The following CRHBP variants were observed in gnomAD, a reference collection of about 807,000 sequenced individuals.
CRHBP encodes corticotropin-releasing hormone-binding protein.
CRHBP carries 19 observed loss-of-function variants against 34.9 expected under a neutral mutation model. That is an observed-to-expected ratio of 0.55 (90% confidence interval 0.38 to 0.80). The LOEUF is 0.80. CRHBP is among the 30% of genes least tolerant of loss of function. CRHBP has a pLI of 0.00. For missense variants in CRHBP, 328 were observed against 409.2 expected (o/e 0.80, Z 1.71); for synonymous variants, 154 against 153.4 (o/e 1.00, Z -0.03).
In CRHBP at chr5:76,955,668, A is replaced by T; in HGVS notation, c.349A>T (p.Ile117Phe). The change falls in exon 4 of 7, where the codon ATT (isoleucine) becomes TTT (phenylalanine). Residue 117 changes from isoleucine to phenylalanine, a missense_variant. Physicochemically the swap from Ile to Phe is conservative, Grantham distance 21. This residue lies in a region of CRHBP where 173 missense variants were observed against 172.2 expected (regional missense o/e 1.00). Transcript: ENST00000274368. ...TTTTTCAAAGGTATTTGATGGTTGG[A>T]TTCTCAAGGGGGAGAAGTTCCCCAG... ...GDFLKVFDGW[I>F]LKGEKFPSSQ... 1 of 1,614,086 alleles carries T rather than the reference A, an allele frequency of 6.2e-7. No individual in the cohort carries two copies. The highest frequency in any genetic ancestry group is 8.5e-7 in the Non-Finnish European group (1 of 1,179,994).
rs903196850 is a variant in CRHBP, at chr5:76,955,961, G to T, written c.544+98G>T. The T allele has an allele frequency of 3.9e-6, 4 of 1,037,230 alleles. No individual in the cohort carries two copies. In the African/African-American group the frequency reaches 6.5e-5, roughly 17 times the overall value. The allele number at this position is 1,037,230 out of a possible 1,614,324, so 64.3% of individuals were successfully genotyped here. On this transcript the variant is annotated intron_variant, in intron 4 of 6. Transcript: ENST00000274368. ...CTTAAAGAAATTTGAACTGAGGAATGATTTGAATGGAAATTTTTTTGTAAT... is the reference window on the plus strand; with the variant it reads ...CTTAAAGAAATTTGAACTGAGGAATTATTTGAATGGAAATTTTTTTGTAAT...
intron 5 of CRHBP, among the ~76,000 whole-genome samples, chr5:76,962,407 A>C (rs1188793021): frequency 6.6e-6 from 1 of 152,084 alleles, no homozygotes; most frequent in East Asian, 1.9e-4. Context: ...GGCTCAGAGT[A>C]CTTTTGGGAC....
downstream of CRHBP, among the ~76,000 whole-genome samples, chr5:76,970,916 G>T (rs1217554057): frequency 6.6e-6 from 1 of 152,174 alleles, no homozygotes; most frequent in Admixed American, 6.5e-5. Flanking sequence ...TTCAAAGCTT[G>T]TTAGTGAACA....
exon 3 of CRHBP, chr5:76,976,406 G>T (rs1180643851): frequency 6.6e-6 from 1 of 152,182 alleles, no homozygotes; most frequent in African/African-American, 2.4e-5. Flanking sequence ...ATCCTGTGTG[G>T]AATGGATGGG....
chr5:76,968,211 T>G (rs920962197), intron 6 of CRHBP, among the ~76,000 whole-genome samples: 3 of 151,652 alleles, frequency 2.0e-5, no homozygotes, highest in South Asian at 4.2e-4. Flanking sequence ...TTTGTTTTTT[T>G]TTTTTTTGGT....
intron 5 of CRHBP, 161 bp downstream of exon 5, chr5:76,959,050 A>C: frequency 1.6e-6 from 1 of 633,256 alleles, no homozygotes; most frequent in Non-Finnish European, 2.5e-6. Context: ...GCTTTGACTA[A>C]CCCCCTCTTC....
chr5:76,953,069 A>G lies in CRHBP; in HGVS notation c.-66A>G. 6.6e-7 allele frequency: 1 copy of G among 1,516,750 alleles called. No homozygotes were observed. The highest frequency in any genetic ancestry group is 9.2e-7 in the Non-Finnish European group (1 of 1,091,944). The allele number at this position is 1,516,750 out of a possible 1,614,324, so 94.0% of individuals were successfully genotyped here. ...CAGCTTCTAGCTCTCAGTCTGCGCG[A>G]GGGTGTAGGAAGGAAAGCCCAGGAC... On this transcript the variant is annotated 5_prime_UTR_variant, in exon 1 of 7. Coordinates refer to ENST00000274368, the MANE Select transcript of CRHBP (RefSeq NM_001882.4).
intron 6 of CRHBP, among the ~76,000 whole-genome samples, chr5:76,966,811 C>T (rs1402111648): frequency 6.6e-6 from 1 of 152,120 alleles, no homozygotes; most frequent in Non-Finnish European, 1.5e-5. Flanking sequence ...CTATTAAGGA[C>T]CCTGCCCTTT....
intron 5 of CRHBP, chr5:76,959,155 G>T (rs1251587892): frequency 1.5e-5 from 5 of 334,908 alleles, no homozygotes; most frequent in African/African-American, 8.5e-5. Context: ...AATTGGTAAA[G>T]TTGTGGTATA....
At chr5:76,953,883 G>C in intron 2 of CRHBP, 146 bp from the exon 3 acceptor site, 2 of 1,198,216 alleles carry the variant, frequency 1.7e-6, no homozygotes, top group Non-Finnish European at 2.3e-6. Flanking sequence ...CGCCCGGGGC[G>C]CAGGAACCCA....
At chr5:76,962,446 A>G (rs1745792974) in intron 5 of CRHBP, among the ~76,000 whole-genome samples, 1 of 152,020 alleles carries the variant, frequency 6.6e-6, no homozygotes, top group African/African-American at 2.4e-5. Context: ...TTGTGTTGGA[A>G]AGTGAGGCAC....
chr5:76,975,834 A>T (rs140287946), intron 2 of CRHBP, among the ~76,000 whole-genome samples: 3 of 101,328 alleles, frequency 3.0e-5, no homozygotes, highest in African/African-American at 1.6e-4. Flanking sequence ...AAATATATAT[A>T]TATATATATA....
intron 6 of CRHBP, among the ~76,000 whole-genome samples, chr5:76,965,022 AAAC>A (rs1260652719): frequency 2.6e-5 from 4 of 151,838 alleles, no homozygotes; most frequent in African/African-American, 9.7e-5. Flanking sequence ...GGTAAAAAAA[AAAC>A]ACACAAAAAA....
At chr5:76,954,235 G>A (rs369510749) in intron 3 of CRHBP, 49 bp downstream of exon 3, 3 of 1,592,060 alleles carry the variant, frequency 1.9e-6, no homozygotes, top group Non-Finnish European at 2.6e-6. Flanking sequence ...GCACGGGAGG[G>A]TTGGAAAGGG....
At chr5:76,954,216 C>G (rs1244404651) in intron 3 of CRHBP, 30 bp downstream of exon 3, 1 of 1,604,928 alleles carries the variant, frequency 6.2e-7, no homozygotes, top group Non-Finnish European at 8.5e-7. Context: ...CCAACCTAGC[C>G]GGAGGGCGGC....
At chr5:76,963,565 C>T (rs979923938) in intron 6 of CRHBP, 105 bp downstream of exon 6, 8 of 986,610 alleles carry the variant, frequency 8.1e-6, no homozygotes, top group African/African-American at 1.6e-5. Context: ...GCCAAAAAAG[C>T]CTTCAATTTT....
chr5:76,968,952 T>G lies in CRHBP; in HGVS notation c.*67T>G. On this transcript the variant is annotated 3_prime_UTR_variant, in exon 7 of 7. Transcript: ENST00000274368. ...TTTTAATGGCCATTGTGTATGATTT[T>G]GATGCACAACTAGTTAAAAGCCTTT... 1 of 1,562,314 alleles carries G rather than the reference T, an allele frequency of 6.4e-7. No individual in the cohort carries two copies. Among genetic ancestry groups the G allele is most frequent in the South Asian group, 1.2e-5 (1 of 84,398 alleles).
At chr5:76,961,382 C>T (rs1745772998) in intron 5 of CRHBP, among the ~76,000 whole-genome samples, 1 of 152,166 alleles carries the variant, frequency 6.6e-6, no homozygotes, top group South Asian at 2.1e-4. Flanking sequence ...ACAGCACCTG[C>T]TGAATTTTGG....
In CRHBP at chr5:76,958,781, C is replaced by T; in HGVS notation, c.585C>T (p.Thr195=). ...CTCAGACTCCAAATGGAAAGTTTAC[C>T]CTGGTAGTTCCACACCAGCATCGAA... ...VISQTPNGKF[T]LVVPHQHRNC... The change falls in exon 5 of 7, where the codon ACC becomes ACT. Residue 195 remains threonine (T), a synonymous_variant. Coordinates refer to ENST00000274368, the MANE Select transcript of CRHBP (RefSeq NM_001882.4). 6.2e-7 allele frequency: 1 copy of T among 1,612,876 alleles called. No homozygotes were observed. The highest frequency in any genetic ancestry group is 2.2e-5 in the East Asian group (1 of 44,838).
Sources: gnomAD v4.1 joint callset for allele counts (sites outside exome capture counted in the v4.1 genomes callset) on GRCh38, gnomAD v4.1.1 for gene constraint, gnomAD v4.1.1 regional missense constraint, MANE v1.5 for transcripts, NCBI Gene and HGNC (gene_info 2026-07-23, HGNC 2026-07-21) for gene names.